ZFHX3: variants seen among roughly 807,000 people sequenced by gnomAD.
ZFHX3 encodes zinc finger homeobox protein 3.
ZFHX3 carries 42 observed loss-of-function variants against 279.1 expected under a neutral mutation model. The observed-to-expected ratio is 0.15, with a 90% confidence interval of 0.12 to 0.19. The LOEUF is 0.19. Ranked by LOEUF, ZFHX3 falls within the 10% of genes least tolerant of loss-of-function variation. ZFHX3 has a pLI of 1.00. For missense variants in ZFHX3, 4,981 were observed against 4,754.0 expected (o/e 1.05, Z -1.40); for synonymous variants, 2,293 against 1,957.8 (o/e 1.17, Z -4.52).
At chr16:73,676,563 T>C (rs998917257) in intron 2 of ZFHX3, among the ~76,000 whole-genome samples, 6 of 151,680 alleles carry the variant, frequency 4.0e-5, no homozygotes, top group African/African-American at 9.7e-5. Flanking sequence ...CGAAAAATAA[T>C]AAAAGACACC....
chr16:73,324,415 G>C (rs539486153), intron 3 of ZFHX3, among the ~76,000 whole-genome samples: 1 of 152,280 alleles, frequency 6.6e-6, no homozygotes, highest in Admixed American at 6.5e-5. Context: ...CTAGACACAT[G>C]AAGGGCTGTA....
chr16:73,844,601 C>T (rs570189335), intron 1 of ZFHX3, among the ~76,000 whole-genome samples: 30 of 150,984 alleles, frequency 2.0e-4, no homozygotes, highest in African/African-American at 6.1e-4. Context: ...ATAACATGCT[C>T]GAGGGAGGGA....
At chr16:73,561,507 C>T (rs1211486799) in intron 2 of ZFHX3, among the ~76,000 whole-genome samples, 1 of 152,120 alleles carries the variant, frequency 6.6e-6, no homozygotes, top group Non-Finnish European at 1.5e-5. Flanking sequence ...ATTACTTTTG[C>T]TTTAAAATGC....
intron 1 of ZFHX3, among the ~76,000 whole-genome samples, chr16:73,740,610 G>C (rs16972440): frequency 6.6e-6 from 1 of 152,228 alleles, no homozygotes; most frequent in East Asian, 1.9e-4. Context: ...ACCATGCTTT[G>C]AATGCCCTAC....
At chr16:72,948,051 T>C (rs966525155) in intron 3 of ZFHX3, among the ~76,000 whole-genome samples, 1 of 152,184 alleles carries the variant, frequency 6.6e-6, no homozygotes, top group Non-Finnish European at 1.5e-5. Flanking sequence ...TTAGTCGTAC[T>C]GAGGGACCAA....
intron 1 of ZFHX3, among the ~76,000 whole-genome samples, chr16:73,810,340 G>T (rs1960393785): frequency 2.6e-5 from 4 of 152,152 alleles, no homozygotes; most frequent in Non-Finnish European, 5.9e-5. Context: ...TTTCAGGGAA[G>T]ATCAAAATTT....
chr16:73,554,831 C>T (rs554775165), intron 2 of ZFHX3: 1 of 152,250 alleles, frequency 6.6e-6, no homozygotes, highest in Non-Finnish European at 1.5e-5. Flanking sequence ...CCCTTATTCT[C>T]GCCACCTGAT....
chr16:73,302,150 G>A (rs1004866878), intron 4 of ZFHX3, among the ~76,000 whole-genome samples: 1 of 152,100 alleles, frequency 6.6e-6, no homozygotes, highest in Non-Finnish European at 1.5e-5. Flanking sequence ...GCAGAAGAAA[G>A]CTCCCTTTCT....
At chr16:73,082,729 G>A (rs1176532009) in intron 8 of ZFHX3, among the ~76,000 whole-genome samples, 2 of 152,100 alleles carry the variant, frequency 1.3e-5, no homozygotes, top group Non-Finnish European at 2.9e-5. Flanking sequence ...GTTTCTCTTA[G>A]TCACTGCTCA....
At chr16:73,879,879 T>A (rs567372407) in intron 1 of ZFHX3, among the ~76,000 whole-genome samples, 1 of 152,094 alleles carries the variant, frequency 6.6e-6, no homozygotes, top group East Asian at 1.9e-4. Flanking sequence ...CATTGTTAGA[T>A]GTCCCCTGGG....
intron 1 of ZFHX3, among the ~76,000 whole-genome samples, chr16:72,979,137 C>G (rs16971456): frequency 0.16 from 24,089 of 152,148 alleles, 2,307 homozygotes; most frequent in East Asian, 0.47. Flanking sequence ...TGATGGGCTA[C>G]TTTACTCTTT....
At chr16:72,895,120 T>C (rs1040602931) in intron 3 of ZFHX3, among the ~76,000 whole-genome samples, 3 of 152,204 alleles carry the variant, frequency 2.0e-5, no homozygotes, top group African/African-American at 7.2e-5. Context: ...AGACACTGCA[T>C]GCACGCGCAC....
intron 3 of ZFHX3, among the ~76,000 whole-genome samples, chr16:73,455,444 A>G (rs900633113): frequency 2.0e-5 from 3 of 152,214 alleles, no homozygotes; most frequent in African/African-American, 7.2e-5. Flanking sequence ...TTCCCACCCC[A>G]GAGGTCCCTT....
intron 2 of ZFHX3, among the ~76,000 whole-genome samples, chr16:73,479,624 G>T (rs548586215): frequency 6.6e-6 from 1 of 152,160 alleles, no homozygotes; most frequent in Non-Finnish European, 1.5e-5. Flanking sequence ...TTGAGGGAGG[G>T]CACTGTGTGT....
At position 72,811,627 on chromosome 16, in the gene ZFHX3, T is replaced by G; in HGVS notation, c.3814A>C (p.Thr1272Pro). ...NNKIHLQLHL[T>P]HLHSVAPDCV... is the part of the protein sequence containing the mutation. Reference sequence around the variant, plus strand: ...TCAGGTGCCACGCTGTGGAGGTGGGTGAGGTGCAGCTGGAGGTGGATCTTG... The same window carrying G: ...TCAGGTGCCACGCTGTGGAGGTGGGGGAGGTGCAGCTGGAGGTGGATCTTG... Residue 1272 changes from threonine (T) to proline (P), a missense_variant, in exon 7 of 10, where the codon ACC (threonine) becomes CCC (proline). By Grantham distance (38) the Thr-to-Pro change is conservative (BLOSUM62 -1). Coordinates refer to ENST00000268489, the MANE Select transcript of ZFHX3 (RefSeq NM_006885.4). The G allele has an allele frequency of 6.2e-7, 1 of 1,612,308 alleles. No homozygotes were observed. Among genetic ancestry groups the G allele is most frequent in the Non-Finnish European group, 8.5e-7 (1 of 1,179,004 alleles).
At chr16:73,327,103 T>C (rs2015705384) in intron 3 of ZFHX3, among the ~76,000 whole-genome samples, 1 of 152,192 alleles carries the variant, frequency 6.6e-6, no homozygotes, top group Non-Finnish European at 1.5e-5. Context: ...AGACAAATGG[T>C]CATGGGTCTT....
chr16:73,408,066 T>G (rs1189503805), intron 3 of ZFHX3, among the ~76,000 whole-genome samples: 35 of 118,894 alleles, frequency 2.9e-4, no homozygotes, highest in South Asian at 5.6e-4. Context: ...TGGATGGGGG[T>G]GGGTGGGGGA....
At chr16:73,746,185 G>A (rs914385919) in intron 1 of ZFHX3, among the ~76,000 whole-genome samples, 3 of 152,076 alleles carry the variant, frequency 2.0e-5, no homozygotes, top group African/African-American at 7.2e-5. Context: ...TCCTGCCGCT[G>A]TTGCTCCACA....
intron 3 of ZFHX3, among the ~76,000 whole-genome samples, chr16:72,942,842 C>T (rs1198470639): frequency 6.6e-6 from 1 of 152,108 alleles, no homozygotes; most frequent in Non-Finnish European, 1.5e-5. Context: ...ACTCTCTCAT[C>T]CTGGAGAGTT....
Sources: allele counts gnomAD v4.1 joint callset (sites outside exome capture counted in the v4.1 genomes callset), GRCh38; gene constraint gnomAD v4.1.1; transcripts MANE v1.5; gene names NCBI Gene and HGNC (gene_info 2026-07-23, HGNC 2026-07-21).